The following GLCE variants were observed in gnomAD, a reference collection of about 807,000 sequenced individuals.
GLCE encodes glucuronic acid epimerase.
A neutral mutation model predicts 47.9 loss-of-function variants in GLCE; 19 were observed. That is an observed-to-expected ratio of 0.40 (90% CI 0.28 to 0.58). The LOEUF (loss-of-function observed/expected upper bound fraction) is 0.58. GLCE is among the 20% of genes least tolerant of loss of function. GLCE has a pLI of 0.48. For synonymous variants in GLCE, 245 were observed against 263.4 expected, an observed-to-expected ratio of 0.93 and a Z score of 0.68; for missense variants, 556 against 743.3, an observed-to-expected ratio of 0.75 and a Z score of 2.93.
intron 2 of GLCE, among the ~76,000 whole-genome samples, chr15:69,233,999 CAG>C (rs2052559793): frequency 6.7e-6 from 1 of 149,036 alleles, no homozygotes; most frequent in Non-Finnish European, 1.5e-5. Context: ...TTTTTTGAGA[CAG>C]AGTTTCGCTC....
intron 2 of GLCE, among the ~76,000 whole-genome samples, chr15:69,217,401 C>T (rs2052321483): frequency 2.0e-5 from 3 of 150,794 alleles, no homozygotes; most frequent in Admixed American, 2.0e-4. Context: ...ACTATATATA[C>T]ATATATTATA....
At chr15:69,205,489 T>C (rs1489095825) in intron 1 of GLCE, among the ~76,000 whole-genome samples, 2 of 152,180 alleles carry the variant, frequency 1.3e-5, no homozygotes, top group Non-Finnish European at 2.9e-5. Context: ...AAATGAGTTC[T>C]CATTTCTTTT....
chr15:69,230,523 A>C (rs924821953), intron 2 of GLCE, among the ~76,000 whole-genome samples: 5 of 152,204 alleles, frequency 3.3e-5, no homozygotes, highest in Non-Finnish European at 7.3e-5. Flanking sequence ...GATTCAGTTG[A>C]ACTGTAGTCT....
chr15:69,161,591 T>C (rs1369739460), intron 1 of GLCE, among the ~76,000 whole-genome samples: 1 of 152,166 alleles, frequency 6.6e-6, no homozygotes, highest in Non-Finnish European at 1.5e-5. Flanking sequence ...AGGGCTTTGG[T>C]GCTACCGCGC....
At chr15:69,165,172 C>T (rs1167516134) in intron 1 of GLCE, among the ~76,000 whole-genome samples, 1 of 152,148 alleles carries the variant, frequency 6.6e-6, no homozygotes, top group Non-Finnish European at 1.5e-5. Context: ...CACAGATCAT[C>T]CCATCACCCA....
chr15:69,256,277 C>T lies in GLCE; in HGVS notation c.471C>T (p.Ser157=). Residue 157 remains serine, a synonymous_variant, in exon 3 of 5, where the codon AGC becomes AGT. Transcript: ENST00000261858. ...DGYDRFEFSH[S]YSKVYAQRAP... ...ATGATCGGTTTGAATTCTCTCATAG[C>T]TATTCCAAAGTCTATGCACAGAGAG... 1 of 1,613,728 alleles carries T rather than the reference C, an allele frequency of 6.2e-7. No individual in the cohort carries two copies. Among genetic ancestry groups the T allele is most frequent in the Non-Finnish European group, 8.5e-7 (1 of 1,179,732 alleles).
chr15:69,211,046 T>G (rs987346188), intron 2 of GLCE, among the ~76,000 whole-genome samples: 1 of 152,108 alleles, frequency 6.6e-6, no homozygotes, highest in South Asian at 2.1e-4. Flanking sequence ...GTATGAAAAC[T>G]TATTAGAGAT....
At chr15:69,239,698 A>G (rs1351157748) in intron 2 of GLCE, among the ~76,000 whole-genome samples, 1 of 152,222 alleles carries the variant, frequency 6.6e-6, no homozygotes, top group Non-Finnish European at 1.5e-5. Context: ...GAAATGTATC[A>G]AATATGTTAA....
At chr15:69,248,609 G>A (rs1412721554) in intron 2 of GLCE, among the ~76,000 whole-genome samples, 3 of 152,162 alleles carry the variant, frequency 2.0e-5, no homozygotes, top group Non-Finnish European at 2.9e-5. Context: ...TCAACAAACC[G>A]TTAATGAATG....
intron 1 of GLCE, among the ~76,000 whole-genome samples, chr15:69,209,087 T>A (rs2052190978): frequency 1.3e-5 from 2 of 152,056 alleles, no homozygotes; most frequent in Admixed American, 1.3e-4. Flanking sequence ...TTATTTTGGT[T>A]ATTGGTATTT....
At chr15:69,179,395 C>A (rs554977241) in intron 1 of GLCE, among the ~76,000 whole-genome samples, 2 of 152,164 alleles carry the variant, frequency 1.3e-5, no homozygotes, top group Non-Finnish European at 2.9e-5. Flanking sequence ...TCTTATATAA[C>A]CCTAGTGCAC....
At chr15:69,253,124 C>G (rs972593929) in intron 2 of GLCE, among the ~76,000 whole-genome samples, 2 of 152,096 alleles carry the variant, frequency 1.3e-5, no homozygotes, top group African/African-American at 2.4e-5. Flanking sequence ...CCAACTATAC[C>G]CTCTTCTCCC....
intron 1 of GLCE, among the ~76,000 whole-genome samples, chr15:69,178,237 C>T (rs2051700905): frequency 6.6e-6 from 1 of 151,986 alleles, no homozygotes; most frequent in South Asian, 2.1e-4. Flanking sequence ...GATCAAAAAT[C>T]CAACAGAAAA....
intron 2 of GLCE, among the ~76,000 whole-genome samples, chr15:69,232,759 T>C (rs1468551175): frequency 6.6e-6 from 1 of 152,138 alleles, no homozygotes; most frequent in Non-Finnish European, 1.5e-5. Context: ...TAGAAACAAT[T>C]AGACAATTAA....
At chr15:69,262,572 A>G (rs2053029168) in intron 4 of GLCE, among the ~76,000 whole-genome samples, 1 of 152,216 alleles carries the variant, frequency 6.6e-6, no homozygotes, top group African/African-American at 2.4e-5. Context: ...TTTCTAGGAC[A>G]GTCTTTTGAA....
intron 3 of GLCE, chr15:69,260,863 G>A: frequency 2.1e-6 from 1 of 486,564 alleles, no homozygotes; most frequent in South Asian, 3.7e-5. Context: ...TGCACTATTT[G>A]TTAACAAATA....
rs149580800 is a variant in GLCE, at chr15:69,264,533, C to T, written c.829+3204C>T. 2.1e-3 allele frequency among the ~76,000 whole-genome samples: 321 copies of T among 152,252 alleles called. 5 individuals are homozygous for T. The highest frequency in any genetic ancestry group is 6.4e-3 in the East Asian group (33 of 5,162). On this transcript the variant is annotated intron_variant, in intron 4 of 4. Transcript: ENST00000261858. ...GGTATCTTTTTGAGGTTATTGATTT[C>T]ATTTCCTTGGGTTGTATACCAGGAA... is the stretch of plus-strand genomic sequence containing the variant.
At chr15:69,231,192 C>T (rs1237165900) in intron 2 of GLCE, among the ~76,000 whole-genome samples, 1 of 152,064 alleles carries the variant, frequency 6.6e-6, no homozygotes, top group African/African-American at 2.4e-5. Context: ...TTTTATTATA[C>T]TTTAGACTTT....
At chr15:69,228,461 G>A (rs990146421) in intron 2 of GLCE, among the ~76,000 whole-genome samples, 8 of 152,110 alleles carry the variant, frequency 5.3e-5, no homozygotes, top group African/African-American at 9.7e-5. Flanking sequence ...GGGTAACCAT[G>A]ATTGAAACAG....
Sources: allele counts gnomAD v4.1 joint callset (sites outside exome capture counted in the v4.1 genomes callset), GRCh38; gene constraint gnomAD v4.1.1; transcripts MANE v1.5; gene names NCBI Gene and HGNC (gene_info 2026-07-23, HGNC 2026-07-21).